Variants in WNK3 observed in about 807,000 individuals in gnomAD.
WNK3 encodes the protein serine/threonine-protein kinase WNK3.
WNK3 carries 18 observed loss-of-function variants against 116.7 expected under a neutral mutation model. The ratio of observed to expected loss-of-function variants is 0.15; its 90% CI spans 0.11 to 0.23. The LOEUF is 0.23. WNK3 is among the 10% of genes least tolerant of loss of function. The pLI, the probability that WNK3 is intolerant of heterozygous loss-of-function variation, is 1.00. For missense variants in WNK3, 993 were observed against 1,323.8 expected, an observed-to-expected ratio of 0.75 and a Z score of 3.88; for synonymous variants, 404 against 469.4, an observed-to-expected ratio of 0.86 and a Z score of 1.80.
chrX:54,328,409 C>A (rs183513531), intron 2 of WNK3, among the ~76,000 whole-genome samples: 28 of 110,186 alleles, frequency 2.5e-4, no homozygotes, highest in African/African-American at 8.9e-4. Context: ...GTGGCTCATG[C>A]CTGTAATTCC....
At chrX:54,245,145 CGTGTGT>C (rs782272022) in intron 17 of WNK3, among the ~76,000 whole-genome samples, 1,180 of 84,646 alleles carry the variant, frequency 0.014, 16 homozygotes, top group Non-Finnish European at 0.02. Context: ...CATATATATG[CGTGTGT>C]GTGTGTGTGT....
chrX:54,291,007 C>G (rs2068631900), intron 10 of WNK3, among the ~76,000 whole-genome samples: 1 of 111,516 alleles, frequency 9.0e-6, no homozygotes, highest in Non-Finnish European at 1.9e-5. Context: ...AAAGGCTATA[C>G]CTCAAACATA....
chrX:54,209,088 T>A (rs868934250), intron 22 of WNK3, among the ~76,000 whole-genome samples: 1 of 111,462 alleles, frequency 9.0e-6, no homozygotes, highest in African/African-American at 3.3e-5. Flanking sequence ...ATTTACCGGT[T>A]AGGGAACAGA....
chrX:54,196,479 C>T (rs2067444879), exon 24 of WNK3: 1 of 106,761 alleles, frequency 9.4e-6, no homozygotes, highest in African/African-American at 3.4e-5. Context: ...AAAAGTACAC[C>T]CATTAAGTTT....
chrX:54,234,825 CAAA>C (rs782143289), intron 20 of WNK3, among the ~76,000 whole-genome samples: 1 of 60,508 alleles, frequency 1.7e-5, no homozygotes. Flanking sequence ...GACTCCGTCT[CAAA>C]AAAAAAAAAA....
chrX:54,341,013 C>T (rs1191174309), intron 1 of WNK3, among the ~76,000 whole-genome samples: 1 of 112,107 alleles, frequency 8.9e-6, no homozygotes, highest in Non-Finnish European at 1.9e-5. Context: ...GTGTTCATAG[C>T]AGCACTATTC....
chrX:54,343,332 C>A, intron 1 of WNK3, among the ~76,000 whole-genome samples: 1 of 110,234 alleles, frequency 9.1e-6, no homozygotes, highest in Non-Finnish European at 1.9e-5. Context: ...GCTGATGAAA[C>A]CCCGTCTTTA....
intron 17 of WNK3, among the ~76,000 whole-genome samples, chrX:54,241,707 A>G (rs1451943687): frequency 9.0e-6 from 1 of 111,618 alleles, no homozygotes; most frequent in Non-Finnish European, 1.9e-5. Flanking sequence ...TAATCCCAGC[A>G]CTTTGGGAGG....
chrX:54,348,913 C>G (rs1413194073), intron 1 of WNK3, among the ~76,000 whole-genome samples: 1 of 112,065 alleles, frequency 8.9e-6, no homozygotes, highest in African/African-American at 3.2e-5. Flanking sequence ...TCTAGAAAAT[C>G]CAAGAAAATC....
chrX:54,253,275 C>T (rs2068155546), intron 13 of WNK3, among the ~76,000 whole-genome samples: 1 of 108,918 alleles, frequency 9.2e-6, no homozygotes, highest in African/African-American at 3.3e-5. Flanking sequence ...TAAAAGGTAA[C>T]TTTTTTTTGA....
chrX:54,350,039 G>A (rs782112511), intron 1 of WNK3, among the ~76,000 whole-genome samples: 89 of 111,831 alleles, frequency 8.0e-4, no homozygotes, highest in African/African-American at 2.8e-3. Flanking sequence ...TGGGATAACT[G>A]GTTATCAATT....
chrX:54,233,487 GGGAAGGAAGGAA>G lies in WNK3; in HGVS notation c.4629-479_4629-468del, dbSNP rs781783142. On this transcript the variant is annotated intron_variant, in intron 20 of 23. Transcript: ENST00000354646. ...AGCGAGAGAGAGAGGGAGGGAGGGAGGGAAGGAAGGAAGGAAGGAAGGAGGAAATACAGAGTA... is the reference window on the plus strand; with the variant it reads ...AGCGAGAGAGAGAGGGAGGGAGGGAGGGAAGGAAGGAGGAAATACAGAGTA... Among the ~76,000 whole-genome samples the G allele has an allele frequency of 2.2e-4, 23 of 102,617 alleles. No individual in the cohort carries two copies. In the East Asian group the frequency reaches 7.0e-3, roughly 31 times the overall value. The allele number at this position is 102,617 out of a possible 115,157, so 89.1% of individuals were successfully genotyped here. A position where few individuals can be genotyped will look rare whatever the true frequency, so the allele number is the denominator to read the frequency against.
At chrX:54,232,741 T>C (rs981086514) in intron 21 of WNK3, 68 bp downstream of exon 21, 10 of 895,685 alleles carry the variant, frequency 1.1e-5, no homozygotes, top group Non-Finnish European at 1.6e-5. Context: ...AATTGTATTA[T>C]AATCATTTTA....
chrX:54,198,924 T>C (rs1386872925), intron 23 of WNK3, among the ~76,000 whole-genome samples: 2 of 111,226 alleles, frequency 1.8e-5, no homozygotes, highest in Admixed American at 1.9e-4. Flanking sequence ...CATGCATACA[T>C]ACATAGAAAG....
At chrX:54,310,228 C>T (rs1557169431) in intron 3 of WNK3, among the ~76,000 whole-genome samples, 1 of 109,646 alleles carries the variant, frequency 9.1e-6, no homozygotes, top group Admixed American at 1.0e-4. Flanking sequence ...AGCCCTCCAA[C>T]CTTCCATTAT....
chrX:54,308,574 T>TA (rs2068852508), intron 4 of WNK3, among the ~76,000 whole-genome samples: 1 of 112,196 alleles, frequency 8.9e-6, no homozygotes, highest in Non-Finnish European at 1.9e-5. Flanking sequence ...TCCATACTGA[T>TA]AGAGTGTAAT....
chrX:54,214,705 G>T (rs2146755094), intron 22 of WNK3, among the ~76,000 whole-genome samples: 1 of 111,031 alleles, frequency 9.0e-6, no homozygotes, highest in African/African-American at 3.3e-5. Context: ...ACCTCTTTTT[G>T]AGCTCCCTTA....
intron 22 of WNK3, among the ~76,000 whole-genome samples, chrX:54,210,749 T>G (rs782345232): frequency 1.8e-5 from 2 of 112,110 alleles, no homozygotes; most frequent in African/African-American, 6.5e-5. Flanking sequence ...TGAAAAAAAA[T>G]AATTTCTGGC....
Position 54,254,088 on chromosome X carries a change from A to G in WNK3, c.2251-13T>C. 1 of 1,121,906 alleles carries G rather than the reference A, an allele frequency of 8.9e-7. No individual in the cohort carries two copies. Among genetic ancestry groups the G allele is most frequent in the East Asian group, 3.0e-5 (1 of 33,277 alleles). 92.5% of individuals were successfully genotyped at this position (1,121,906 alleles called of 1,213,427 possible). ...CAGAGGTTGATACCTGAGTACAAAC[A>G]TTTTACCGGTTTAAGAGTCAATCAC... is the stretch of plus-strand genomic sequence containing the variant. On this transcript the variant is annotated splice_polypyrimidine_tract_variant and intron_variant, in intron 12 of 23. Transcript: ENST00000354646.
Sources: gnomAD v4.1 joint callset for allele counts (sites outside exome capture counted in the v4.1 genomes callset) on GRCh38, gnomAD v4.1.1 for gene constraint, MANE v1.5 for transcripts, NCBI Gene and HGNC (gene_info 2026-07-23, HGNC 2026-07-21) for gene names.